The following ZSCAN25 variants were observed in gnomAD, a reference collection of about 807,000 sequenced individuals.
The protein encoded by ZSCAN25 is zinc finger and SCAN domain-containing protein 25.
ZSCAN25 carries 27 observed loss-of-function variants against 38.7 expected under a neutral mutation model. The observed-to-expected ratio is 0.70, with a 90% CI of 0.51 to 0.96. ZSCAN25 has a LOEUF of 0.96. ZSCAN25 is among the 40% of genes least tolerant of loss of function. The probability of loss-of-function intolerance (pLI) is 0.00; values close to 1 mark genes in which losing one functional copy is unlikely to be tolerated. For missense variants in ZSCAN25, 637 were observed against 705.9 expected (o/e 0.90, Z 1.11); for synonymous variants, 273 against 277.7 (o/e 0.98, Z 0.17).
At chr7:99,672,085 TG>T in the ZSCAN25 span, among the ~76,000 whole-genome samples, 3 of 152,204 alleles carry the variant, frequency 2.0e-5, no homozygotes, top group East Asian at 3.8e-4. Context: ...GGAGTCTCAT[TG>T]GGTTGCCCAG....
chr7:99,668,930 T>C, the ZSCAN25 span, among the ~76,000 whole-genome samples: 31 of 152,354 alleles, frequency 2.0e-4, 1 homozygote, highest in Non-Finnish European at 3.8e-4. Context: ...TCAATAATAT[T>C]TCAACCTACC....
chr7:99,714,637 G>A, the ZSCAN25 span: 3 of 1,611,504 alleles, frequency 1.9e-6, no homozygotes, highest in South Asian at 2.2e-5. Context: ...TGGAAACACA[G>A]TGATATTTAA....
the ZSCAN25 span, among the ~76,000 whole-genome samples, chr7:99,641,768 A>C: frequency 5.9e-5 from 9 of 152,244 alleles, no homozygotes; most frequent in East Asian, 1.7e-3. Flanking sequence ...TGTTGGCCCT[A>C]CTTTCAAAAT....
chr7:99,705,701 A>G, the ZSCAN25 span: 4 of 1,374,308 alleles, frequency 2.9e-6, no homozygotes. Flanking sequence ...TTGTAAACAT[A>G]TAAAAACTAC....
At chr7:99,717,718 C>T in the ZSCAN25 span, 10 of 1,519,202 alleles carry the variant, frequency 6.6e-6, no homozygotes, top group Non-Finnish European at 9.0e-6. Context: ...GTTAAACAGG[C>T]ATCATGTATT....
rs887277748 is a variant in ZSCAN25, at chr7:99,631,563, T to C, written c.*1543T>C. The C allele has an allele frequency of 8.1e-5, 80 of 985,358 alleles. No individual in the cohort carries two copies. The highest frequency in any genetic ancestry group is 9.5e-5 in the Non-Finnish European group (79 of 829,938). The allele number at this position is 985,358 out of a possible 1,614,324, so 61.0% of individuals were successfully genotyped here. ...GTCCTTTGTTGATAGTGTCCTATAATTGCAAAATGTGGTTTGTCTTCTGAT... is the reference window on the plus strand; with the variant it reads ...GTCCTTTGTTGATAGTGTCCTATAACTGCAAAATGTGGTTTGTCTTCTGAT... On this transcript the variant is annotated 3_prime_UTR_variant, in exon 8 of 8. Transcript: ENST00000394152.
At chr7:99,617,365 A>C (rs1047379656) in intron 1 of ZSCAN25, among the ~76,000 whole-genome samples, 1 of 152,230 alleles carries the variant, frequency 6.6e-6, no homozygotes, top group African/African-American at 2.4e-5. Flanking sequence ...TAGGACACTT[A>C]TTTAAAGAAT....
the ZSCAN25 span, chr7:99,666,817 A>T: frequency 6.3e-7 from 1 of 1,581,654 alleles, no homozygotes; most frequent in Non-Finnish European, 8.6e-7. Flanking sequence ...TTTTCTGTAC[A>T]TAAAGATAAA....
At chr7:99,723,515 A>G in the ZSCAN25 span, among the ~76,000 whole-genome samples, 958 of 152,236 alleles carry the variant, frequency 6.3e-3, 3 homozygotes, top group Non-Finnish European at 8.6e-3. Flanking sequence ...CAGGTGATTA[A>G]AAAGCTTTAT....
the ZSCAN25 span, among the ~76,000 whole-genome samples, chr7:99,716,183 C>T: frequency 1.3e-5 from 2 of 152,162 alleles, no homozygotes; most frequent in African/African-American, 4.8e-5. Flanking sequence ...CAGAGATCCA[C>T]TATCAGACAA....
At chr7:99,674,637 C>G in the ZSCAN25 span, 1 of 1,502,390 alleles carries the variant, frequency 6.7e-7, no homozygotes, top group African/African-American at 1.4e-5. Context: ...TAGAATAAAC[C>G]CTACCTCTAA....
At chr7:99,639,293 T>G in the ZSCAN25 span, among the ~76,000 whole-genome samples, 1 of 152,236 alleles carries the variant, frequency 6.6e-6, no homozygotes, top group African/African-American at 2.4e-5. Context: ...TGGACCTGTT[T>G]CCTGCAGAGT....
At chr7:99,624,649 C>T (rs1315307840) in intron 7 of ZSCAN25, among the ~76,000 whole-genome samples, 7 of 152,152 alleles carry the variant, frequency 4.6e-5, no homozygotes, top group Non-Finnish European at 1.0e-4. Flanking sequence ...CACGAGGGGG[C>T]TTCGCGATGG....
chr7:99,622,058 G>A (rs1163022179), intron 5 of ZSCAN25: 3 of 162,856 alleles, frequency 1.8e-5, no homozygotes, highest in Non-Finnish European at 4.0e-5. Context: ...CCAAGTAGCT[G>A]GGCCTACAGG....
chr7:99,723,590 C>G, the ZSCAN25 span, among the ~76,000 whole-genome samples: 1 of 152,132 alleles, frequency 6.6e-6, no homozygotes, highest in Non-Finnish European at 1.5e-5. Context: ...GTGCCAAAGA[C>G]CTGGGACAGG....
intron 3 of ZSCAN25, 103 bp downstream of exon 3, chr7:99,619,235 A>G (rs1359272554): frequency 5.5e-6 from 1 of 183,212 alleles, no homozygotes; most frequent in Non-Finnish European, 1.2e-5. Flanking sequence ...TGTTTCCTTT[A>G]GTATTGGAAG....
Position 99,630,189 on chromosome 7 carries a change from C to G in ZSCAN25, c.*169C>G. ...TTAGAGCTTCCAGAGAGCATAGCTG[C>G]TTCCATCTCTTACCCAAGTGGTGCT... On this transcript the variant is annotated 3_prime_UTR_variant, in exon 8 of 8. Transcript: ENST00000394152. 7.2e-7 allele frequency: 1 copy of G among 1,392,682 alleles called. No homozygotes were observed. Among genetic ancestry groups the G allele is most frequent in the South Asian group, 1.8e-5 (1 of 56,130 alleles). The allele number at this position is 1,392,682 out of a possible 1,614,324, so 86.3% of individuals were successfully genotyped here. A position where few individuals can be genotyped will look rare whatever the true frequency, so the allele number is the denominator to read the frequency against.
chr7:99,640,307 T>C, the ZSCAN25 span, among the ~76,000 whole-genome samples: 70 of 152,234 alleles, frequency 4.6e-4, no homozygotes, highest in Non-Finnish European at 6.9e-4. Context: ...TACAGGCGCC[T>C]GCCGTAGCCT....
chr7:99,642,501 A>T, the ZSCAN25 span, among the ~76,000 whole-genome samples: 1 of 152,238 alleles, frequency 6.6e-6, no homozygotes, highest in Admixed American at 6.5e-5. Flanking sequence ...GACTGGAACC[A>T]TGTGAGAGAC....
Sources: allele counts gnomAD v4.1 joint callset (sites outside exome capture counted in the v4.1 genomes callset), GRCh38; gene constraint gnomAD v4.1.1; transcripts MANE v1.5; gene names NCBI Gene and HGNC (gene_info 2026-07-23, HGNC 2026-07-21).